The following ZDHHC7 variants were observed in gnomAD, a reference collection of about 807,000 sequenced individuals.
ZDHHC7 encodes the protein zDHHC palmitoyltransferase 7.
ZDHHC7 carries 12 observed loss-of-function variants against 34.1 expected under a neutral mutation model. The ratio of observed to expected loss-of-function variants is 0.35; its 90% CI spans 0.23 to 0.57. ZDHHC7 has a LOEUF of 0.57. Among genes scored for constraint, ZDHHC7 ranks in the 20% least tolerant of loss-of-function variants. The pLI is 0.84. For missense variants in ZDHHC7, 388 were observed against 402.7 expected, an observed-to-expected ratio of 0.96 and a Z score of 0.31; for synonymous variants, 185 against 155.4, an observed-to-expected ratio of 1.19 and a Z score of -1.42.
At chr16:84,984,380 TA>T (rs2072410083) in intron 3 of ZDHHC7, among the ~76,000 whole-genome samples, 1 of 152,190 alleles carries the variant, frequency 6.6e-6, no homozygotes, top group Non-Finnish European at 1.5e-5. Context: ...CTTTGATTTA[TA>T]AAATTCCACA....
At chr16:85,002,870 G>T (rs771138506) in intron 1 of ZDHHC7, among the ~76,000 whole-genome samples, 1 of 151,750 alleles carries the variant, frequency 6.6e-6, no homozygotes, top group Non-Finnish European at 1.5e-5. Flanking sequence ...GGGCTGCGGC[G>T]CTGGGAGGGC....
At chr16:84,996,813 G>A (rs965857471) in intron 1 of ZDHHC7, among the ~76,000 whole-genome samples, 1 of 152,180 alleles carries the variant, frequency 6.6e-6, no homozygotes, top group African/African-American at 2.4e-5. Flanking sequence ...TGGATCATGA[G>A]GTCAGAAGTT....
At chr16:85,004,747 G>C (rs963538717) in intron 1 of ZDHHC7, among the ~76,000 whole-genome samples, 2 of 152,158 alleles carry the variant, frequency 1.3e-5, no homozygotes, top group Admixed American at 6.5e-5. Flanking sequence ...GCTTGAGGGA[G>C]ACAAGAAAAA....
upstream of ZDHHC7, among the ~76,000 whole-genome samples, chr16:85,014,820 GT>G (rs939607930): frequency 2.0e-5 from 3 of 152,132 alleles, no homozygotes; most frequent in Admixed American, 6.6e-5. Context: ...TCACAGTTTG[GT>G]TTTTGACATT....
intron 2 of ZDHHC7, 53 bp downstream of exon 2, chr16:84,995,869 G>A (rs1472320911): frequency 2.0e-5 from 3 of 152,188 alleles, no homozygotes; most frequent in Admixed American, 6.5e-5. Context: ...ACAAGCTAGT[G>A]TCAGCTGTGA....
chr16:84,997,414 G>A (rs112794469), intron 1 of ZDHHC7, among the ~76,000 whole-genome samples: 3,423 of 150,256 alleles, frequency 0.023, 130 homozygotes, highest in African/African-American at 0.078. Context: ...GACTACAGGC[G>A]CCCACCACCA....
the ZDHHC7 span, among the ~76,000 whole-genome samples, chr16:85,021,712 T>TGAAA: frequency 5.0e-5 from 7 of 140,798 alleles, no homozygotes; most frequent in East Asian, 4.2e-4. Context: ...AGCAAGACTG[T>TGAAA]GAAAGAAAGA....
At chr16:85,023,807 A>C in the ZDHHC7 span, among the ~76,000 whole-genome samples, 1 of 151,970 alleles carries the variant, frequency 6.6e-6, no homozygotes, top group African/African-American at 2.4e-5. Flanking sequence ...TTTGGTAGAG[A>C]CGGGGTTTCA....
chr16:85,007,422 C>CAAAA (rs138373927), intron 1 of ZDHHC7, among the ~76,000 whole-genome samples: 1 of 85,502 alleles, frequency 1.2e-5, no homozygotes, highest in African/African-American at 4.5e-5. Flanking sequence ...TACTCCATCT[C>CAAAA]AAAAAAAAAA....
upstream of ZDHHC7, among the ~76,000 whole-genome samples, chr16:85,012,046 G>C (rs1009944999): frequency 2.6e-5 from 4 of 152,206 alleles, no homozygotes; most frequent in Non-Finnish European, 5.9e-5. Flanking sequence ...CACCGCCACT[G>C]TCCCTTCCAT....
chr16:84,979,516 A>G (rs1228026524), intron 4 of ZDHHC7, among the ~76,000 whole-genome samples: 2 of 152,210 alleles, frequency 1.3e-5, no homozygotes, highest in African/African-American at 4.8e-5. Context: ...GAAAGGTCAA[A>G]CTAAGCCATA....
chr16:84,991,960 G>C (rs933195872), intron 2 of ZDHHC7, among the ~76,000 whole-genome samples: 1 of 151,970 alleles, frequency 6.6e-6, no homozygotes, highest in African/African-American at 2.4e-5. Context: ...AGCACTTTGG[G>C]AGGTCAGGAG....
intron 5 of ZDHHC7, among the ~76,000 whole-genome samples, chr16:84,978,877 GA>G (rs2072332331): frequency 1.4e-5 from 2 of 139,890 alleles, no homozygotes; most frequent in South Asian, 2.3e-4. Flanking sequence ...AAAAAAAAAA[GA>G]AAAAAAGAAA....
upstream of ZDHHC7, among the ~76,000 whole-genome samples, chr16:85,015,191 C>T (rs189216290): frequency 5.9e-4 from 90 of 151,872 alleles, no homozygotes; most frequent in Middle Eastern, 3.4e-3. Flanking sequence ...CCTCCGCGTC[C>T]CAGGTTCAAG....
rs752806245 is a variant in ZDHHC7 at position 84,981,889 on chromosome 16, C to T, written c.421G>A (p.Glu141Lys). Reference protein sequence around the residue: ...KCPKCCCIKPERAHHCSICKR... With the variant: ...KCPKCCCIKPKRAHHCSICKR... Reference sequence around the variant, plus strand: ...ACGTACCTGCAGTGGTGGGCGCGCTCGGGTTTAATACAGCAGCACTTGGGG... The same window carrying T: ...ACGTACCTGCAGTGGTGGGCGCGCTTGGGTTTAATACAGCAGCACTTGGGG... Residue 141 changes from glutamate to lysine, a missense_variant, in exon 4 of 8, where the codon GAG becomes AAG. Coordinates refer to ENST00000313732, the MANE Select transcript of ZDHHC7 (RefSeq NM_017740.3). 3.1e-6 allele frequency: 5 copies of T among 1,614,018 alleles called. No homozygotes were observed. In the Admixed American group the frequency reaches 5.0e-5, roughly 16 times the overall value.
the ZDHHC7 span, among the ~76,000 whole-genome samples, chr16:85,025,410 A>G: frequency 7.9e-6 from 1 of 126,062 alleles, no homozygotes; most frequent in Middle Eastern, 3.9e-3. Context: ...CTGCCAACAT[A>G]TTCCTTTTTT....
At chr16:84,987,455 T>C (rs1343875771) in intron 3 of ZDHHC7, among the ~76,000 whole-genome samples, 1 of 152,128 alleles carries the variant, frequency 6.6e-6, no homozygotes, top group African/African-American at 2.4e-5. Context: ...TTTGTTTTTT[T>C]TTTTTCATCA....
intron 1 of ZDHHC7, among the ~76,000 whole-genome samples, chr16:85,003,584 T>G (rs985011522): frequency 1.3e-5 from 2 of 151,498 alleles, no homozygotes; most frequent in African/African-American, 4.9e-5. Flanking sequence ...AATCCAAAGA[T>G]CAGAATATTA....
At chr16:84,986,600 C>T (rs1239399056) in intron 3 of ZDHHC7, among the ~76,000 whole-genome samples, 1 of 152,204 alleles carries the variant, frequency 6.6e-6, no homozygotes, top group Non-Finnish European at 1.5e-5. Context: ...AAAGTGAAGC[C>T]TGGGATCAAA....
Sources: gnomAD v4.1 joint callset for allele counts (sites outside exome capture counted in the v4.1 genomes callset) on GRCh38, gnomAD v4.1.1 for gene constraint, MANE v1.5 for transcripts, NCBI Gene and HGNC (gene_info 2026-07-23, HGNC 2026-07-21) for gene names.